Variants in AUTS2 observed in about 807,000 individuals in gnomAD.
The protein encoded by AUTS2 is autism susceptibility gene 2 protein.
AUTS2 carries 17 observed loss-of-function variants against 112.4 expected under a neutral mutation model. The ratio of observed to expected loss-of-function variants is 0.15; its 90% CI spans 0.10 to 0.23. AUTS2 has a LOEUF of 0.23. Ranked by LOEUF, AUTS2 falls within the 10% of genes least tolerant of loss-of-function variation. The pLI, the probability that AUTS2 is intolerant of heterozygous loss-of-function variation, is 1.00. For missense variants in AUTS2, 1,510 were observed against 1,701.6 expected (o/e 0.89, Z 1.98); for synonymous variants, 751 against 702.7 (o/e 1.07, Z -1.09).
At chr7:70,716,999 T>G (rs956828033) in intron 6 of AUTS2, among the ~76,000 whole-genome samples, 2 of 59,542 alleles carry the variant, frequency 3.4e-5, no homozygotes, top group African/African-American at 1.3e-4. Context: ...GAGTTATTTT[T>G]TTTTTTTTTT....
intron 2 of AUTS2, among the ~76,000 whole-genome samples, chr7:70,087,918 T>C (rs1184117551): frequency 6.6e-6 from 1 of 152,158 alleles, no homozygotes; most frequent in African/African-American, 2.4e-5. Context: ...AGGTTTTCTA[T>C]TTTTTCTTAA....
At chr7:69,817,485 C>A (rs537206479) in intron 1 of AUTS2, among the ~76,000 whole-genome samples, 1 of 152,224 alleles carries the variant, frequency 6.6e-6, no homozygotes, top group East Asian at 1.9e-4. Flanking sequence ...GATTATAAGA[C>A]CTATATTTAA....
chr7:70,486,391 G>T (rs994360854), intron 5 of AUTS2, among the ~76,000 whole-genome samples: 4 of 152,206 alleles, frequency 2.6e-5, no homozygotes, highest in African/African-American at 4.8e-5. Context: ...AGTAGTATAT[G>T]TCAAGTGCTT....
intron 6 of AUTS2, among the ~76,000 whole-genome samples, chr7:70,700,669 T>C (rs143944782): frequency 0.016 from 2,364 of 152,302 alleles, 22 homozygotes; most frequent in Middle Eastern, 0.027. Flanking sequence ...AACTGCTAAA[T>C]ATCAGGAAAA....
chr7:70,658,042 G>GT (rs1806867064), intron 5 of AUTS2, among the ~76,000 whole-genome samples: 1 of 152,236 alleles, frequency 6.6e-6, no homozygotes, highest in South Asian at 2.1e-4. Context: ...GGAAAACCGT[G>GT]TAAGTCATGC....
At chr7:70,196,889 ATTG>A (rs1392882155) in intron 4 of AUTS2, among the ~76,000 whole-genome samples, 1 of 152,182 alleles carries the variant, frequency 6.6e-6, no homozygotes, top group Non-Finnish European at 1.5e-5. Context: ...GGTTCAGATA[ATTG>A]TTGTTCTCTC....
At chr7:70,700,043 A>T (rs1013396526) in intron 6 of AUTS2, among the ~76,000 whole-genome samples, 2 of 152,208 alleles carry the variant, frequency 1.3e-5, no homozygotes, top group African/African-American at 4.8e-5. Context: ...ATCAGGCCCT[A>T]GAATAAGAGT....
intron 4 of AUTS2, among the ~76,000 whole-genome samples, chr7:70,329,566 A>G (rs1474405754): frequency 6.8e-6 from 1 of 148,144 alleles, no homozygotes; most frequent in Non-Finnish European, 1.5e-5. Context: ...CCATTTTTAT[A>G]TTTTTTTTTA....
chr7:70,725,889 G>A (rs1585577906), intron 6 of AUTS2, among the ~76,000 whole-genome samples: 1 of 152,082 alleles, frequency 6.6e-6, no homozygotes, highest in Admixed American at 6.5e-5. Context: ...AGCGTGGGTG[G>A]TGGGCGCCTG....
At chr7:69,811,964 C>T (rs927861414) in intron 1 of AUTS2, among the ~76,000 whole-genome samples, 5 of 152,184 alleles carry the variant, frequency 3.3e-5, no homozygotes, top group African/African-American at 1.2e-4. Context: ...GAAATTGCCT[C>T]TCCTAGTTCT....
chr7:70,065,555 G>T (rs1238022355), intron 2 of AUTS2, among the ~76,000 whole-genome samples: 1 of 152,030 alleles, frequency 6.6e-6, no homozygotes, highest in Admixed American at 6.6e-5. Context: ...ATTTAGCTGG[G>T]TGTGGTGGCA....
intron 4 of AUTS2, among the ~76,000 whole-genome samples, chr7:70,421,665 G>A (rs565761622): frequency 3.3e-5 from 5 of 152,348 alleles, no homozygotes; most frequent in African/African-American, 1.2e-4. Flanking sequence ...CGGGGAGACT[G>A]AAGCTGGAAT....
intron 1 of AUTS2, among the ~76,000 whole-genome samples, chr7:69,775,784 G>A (rs1788866968): frequency 6.6e-6 from 1 of 152,214 alleles, no homozygotes; most frequent in Non-Finnish European, 1.5e-5. Flanking sequence ...TAGAAGGAAA[G>A]TCATTCTTTC....
At chr7:69,828,450 C>T (rs959725970) in intron 1 of AUTS2, among the ~76,000 whole-genome samples, 5 of 152,158 alleles carry the variant, frequency 3.3e-5, no homozygotes, top group Non-Finnish European at 5.9e-5. Context: ...TAGATACTAT[C>T]TTTGATGATA....
chr7:70,697,569 C>CA (rs1554464445), intron 5 of AUTS2, among the ~76,000 whole-genome samples: 2 of 142,954 alleles, frequency 1.4e-5, no homozygotes, highest in East Asian at 2.2e-4. Context: ...TTCCCCCCCC[C>CA]CATTTCCTAT....
At position 70,646,579 on chromosome 7, in the gene AUTS2, C is replaced by T. The variant is rs551498324; in HGVS notation, c.691-51990C>T. Among the ~76,000 whole-genome samples, 10 of 152,350 alleles carry T rather than the reference C, an allele frequency of 6.6e-5. No individual in the cohort carries two copies. In the East Asian group the frequency reaches 1.2e-3, roughly 18 times the overall value. Reference sequence around the variant, plus strand: ...GCCAGCCCGCTGGAGGGGAGCCCACCGCCTCTGGCCCCCCAAGGGGATTCT... The same window carrying T: ...GCCAGCCCGCTGGAGGGGAGCCCACTGCCTCTGGCCCCCCAAGGGGATTCT... On this transcript the variant is annotated intron_variant, in intron 5 of 18. Transcript: ENST00000342771.
chr7:70,657,297 A>G (rs888642682), intron 5 of AUTS2, among the ~76,000 whole-genome samples: 1 of 152,224 alleles, frequency 6.6e-6, no homozygotes, highest in African/African-American at 2.4e-5. Context: ...ATCATGTACA[A>G]GTAAAATCAG....
intron 4 of AUTS2, among the ~76,000 whole-genome samples, chr7:70,146,391 T>A (rs1330976794): frequency 6.6e-6 from 1 of 152,172 alleles, no homozygotes; most frequent in Non-Finnish European, 1.5e-5. Flanking sequence ...TTAATTAACA[T>A]GGATCTTATT....
chr7:70,280,997 T>A (rs1191919779), intron 4 of AUTS2, among the ~76,000 whole-genome samples: 1 of 152,218 alleles, frequency 6.6e-6, no homozygotes, highest in Non-Finnish European at 1.5e-5. Context: ...TCCATACCCA[T>A]ATCCACGTTC....
Sources: allele counts gnomAD v4.1 joint callset (sites outside exome capture counted in the v4.1 genomes callset), GRCh38; gene constraint gnomAD v4.1.1; transcripts MANE v1.5; gene names NCBI Gene and HGNC (gene_info 2026-07-23, HGNC 2026-07-21).